NEDD1: variants seen among roughly 807,000 people sequenced by gnomAD.
NEDD1 encodes protein NEDD1.
A neutral mutation model predicts 74.0 loss-of-function variants in NEDD1; 33 were observed. That is an observed-to-expected ratio of 0.45 (90% CI 0.34 to 0.60). The LOEUF is 0.60. NEDD1 is among the 20% of genes least tolerant of loss of function. The pLI is 0.01. For missense variants in NEDD1, 746 were observed against 776.5 expected (o/e 0.96, Z 0.47); for synonymous variants, 250 against 264.4 (o/e 0.95, Z 0.53).
chr12:96,940,736 A>C (rs1416939760), intron 10 of NEDD1, among the ~76,000 whole-genome samples, 199 bp downstream of exon 10: 2 of 152,052 alleles, frequency 1.3e-5, no homozygotes, highest in Non-Finnish European at 2.9e-5. Flanking sequence ...TAATTTTCAC[A>C]TGGGAATTAT....
intron 2 of NEDD1, among the ~76,000 whole-genome samples, chr12:96,909,534 T>C (rs1873679397): frequency 6.6e-6 from 1 of 152,170 alleles, no homozygotes; most frequent in Non-Finnish European, 1.5e-5. Flanking sequence ...AGGCTGGATT[T>C]CATTATCATT....
chr12:96,909,960 C>A, intron 3 of NEDD1, 65 bp downstream of exon 3: 1 of 1,540,212 alleles, frequency 6.5e-7, no homozygotes, highest in Non-Finnish European at 8.7e-7. Context: ...TAAACAACCA[C>A]TGTCAATGAA....
intron 6 of NEDD1, among the ~76,000 whole-genome samples, chr12:96,923,788 T>TGTGTGTGTGTGTG (rs1875373530): frequency 3.5e-5 from 5 of 142,250 alleles, no homozygotes; most frequent in Non-Finnish European, 6.1e-5. Context: ...TAATACCTGT[T>TGTGTGTGTGTGTG]TGTGTGTGTG....
chr12:96,937,035 T>G (rs943743745), intron 8 of NEDD1, among the ~76,000 whole-genome samples, 163 bp from the exon 9 acceptor site: 10 of 152,068 alleles, frequency 6.6e-5, no homozygotes, highest in Non-Finnish European at 1.0e-4. Context: ...TAAAAGTATT[T>G]TAAAAGACAT....
chr12:96,932,457 AAAAAAAATAT>A (rs1293549784), intron 6 of NEDD1, among the ~76,000 whole-genome samples: 5 of 12,774 alleles, frequency 3.9e-4, no homozygotes, highest in Admixed American at 3.0e-3. Context: ...AAAAAAAAAA[AAAAAAAATAT>A]ATATATATAT....
chr12:96,920,594 T>G (rs2136532037), intron 6 of NEDD1, among the ~76,000 whole-genome samples: 1 of 152,290 alleles, frequency 6.6e-6, no homozygotes, highest in East Asian at 1.9e-4. Flanking sequence ...TATCGAAGCT[T>G]ATATATTTCA....
rs1190376140 is a variant in NEDD1 at position 96,929,355 on chromosome 12, ATTTTTTTTTTCCTTAATGTCTTGTAT to A, written c.490-5611_490-5586del. Reference sequence around the variant, plus strand: ...TATGTTTTTTTTCTTAATGTCTTGTATTTTTTTTTTCCTTAATGTCTTGTATTTTTTTTTTCTTTCTGATCTTCTGT... The same window carrying A: ...TATGTTTTTTTTCTTAATGTCTTGTATTTTTTTTTCTTTCTGATCTTCTGT... On this transcript the variant is annotated intron_variant, in intron 6 of 15. Coordinates refer to ENST00000266742, the MANE Select transcript of NEDD1 (RefSeq NM_152905.4). Among the ~76,000 whole-genome samples, 295 of 35,182 alleles carry A rather than the reference ATTTTTTTTTTCCTTAATGTCTTGTAT, an allele frequency of 8.4e-3. 2 individuals are homozygous for A. The highest frequency in any genetic ancestry group is 0.038 in the African/African-American group (277 of 7,368). The allele number at this position is 35,182 out of a possible 152,430, so 23.1% of individuals were successfully genotyped here.
At chr12:96,935,822 AAAAAAC>A (rs1274071216) in intron 7 of NEDD1, among the ~76,000 whole-genome samples, 11 of 151,102 alleles carry the variant, frequency 7.3e-5, no homozygotes, top group South Asian at 4.1e-4. Context: ...TTAGTTAGCT[AAAAAAC>A]AAAAACAAAA....
chr12:96,934,200 A>G (rs1036523595), intron 6 of NEDD1, among the ~76,000 whole-genome samples: 1 of 129,658 alleles, frequency 7.7e-6, no homozygotes, highest in African/African-American at 3.0e-5. Context: ...AATACAAAAT[A>G]TTATTGCTTT....
In NEDD1 at chr12:96,917,525, A is replaced by G. The variant is rs148769567; in HGVS notation, c.232-96A>G. On this transcript the variant is annotated intron_variant, in intron 4 of 15. Coordinates refer to ENST00000266742, the MANE Select transcript of NEDD1 (RefSeq NM_152905.4). ...ATGTTTATAGTATTTAATTTAACCAATATTTATCATATGCTTACTAAGTGT... is the reference window on the plus strand; with the variant it reads ...ATGTTTATAGTATTTAATTTAACCAGTATTTATCATATGCTTACTAAGTGT... The G allele has an allele frequency of 3.8e-4, 503 of 1,313,276 alleles. 2 individuals carry two copies. The highest frequency in any genetic ancestry group is 2.4e-3 in the Middle Eastern group (9 of 3,796). 81.4% of individuals were successfully genotyped at this position (1,313,276 alleles called of 1,614,324 possible).
intron 5 of NEDD1, 82 bp downstream of exon 5, chr12:96,917,819 C>T (rs891766569): frequency 2.9e-5 from 40 of 1,400,058 alleles, no homozygotes; most frequent in Non-Finnish European, 3.7e-5. Context: ...TATTTTTGAG[C>T]TTTTATGATA....
intron 6 of NEDD1, among the ~76,000 whole-genome samples, chr12:96,930,551 TG>T (rs996043541): frequency 6.6e-6 from 1 of 151,904 alleles, no homozygotes; most frequent in Non-Finnish European, 1.5e-5. Flanking sequence ...GGGTTTTTAT[TG>T]GGGGGGCTGG....
At chr12:96,936,270 C>T (rs1877076627) in intron 7 of NEDD1, among the ~76,000 whole-genome samples, 1 of 152,196 alleles carries the variant, frequency 6.6e-6, no homozygotes, top group Non-Finnish European at 1.5e-5. Context: ...AACCATGAGG[C>T]CAGAGCCCCT....
In NEDD1 at chr12:96,942,610, T is replaced by C. The variant is rs777375911; in HGVS notation, c.1280T>C (p.Ile427Thr). Residue 427 changes from isoleucine (I) to threonine (T), a missense_variant, in exon 11 of 16, where the codon ATA (isoleucine) becomes ACA (threonine). Physicochemically the swap from Ile to Thr is moderately conservative, Grantham distance 89. This residue lies in a region of NEDD1 where 706 missense variants were observed against 706.7 expected (regional missense o/e 1.00). Coordinates refer to ENST00000266742, the MANE Select transcript of NEDD1 (RefSeq NM_152905.4). ...GTTAACAAGGGAAGTGATGAGTCCATAGGCAAAGGAGATGGTAAGAACTAC... is the reference window on the plus strand; with the variant it reads ...GTTAACAAGGGAAGTGATGAGTCCACAGGCAAAGGAGATGGTAAGAACTAC... ...AVVNKGSDESIGKGDGFDFLP... is the reference protein window; with the variant it reads ...AVVNKGSDESTGKGDGFDFLP... The C allele has an allele frequency of 3.3e-6, 5 of 1,519,540 alleles. No individual in the cohort carries two copies. Among genetic ancestry groups the C allele is most frequent in the South Asian group, 2.3e-5 (2 of 88,532 alleles). The allele number at this position is 1,519,540 out of a possible 1,614,324, so 94.1% of individuals were successfully genotyped here.
At chr12:96,925,262 T>G (rs1875568469) in intron 6 of NEDD1, among the ~76,000 whole-genome samples, 1 of 152,126 alleles carries the variant, frequency 6.6e-6, no homozygotes, top group Non-Finnish European at 1.5e-5. Flanking sequence ...CCTGGGTTTT[T>G]GGGGAGGGAC....
intron 4 of NEDD1, among the ~76,000 whole-genome samples, chr12:96,917,108 C>A (rs1483685822): frequency 6.6e-6 from 1 of 151,978 alleles, no homozygotes; most frequent in Non-Finnish European, 1.5e-5. Flanking sequence ...GACTTGGTCT[C>A]CTTAACGGAG....
chr12:96,940,466 A>G lies in NEDD1; in HGVS notation c.1175A>G (p.Asn392Ser). ...TCTAAGGAAACAGACAGTGGAAAAA[A>G]TCAGGATTTCTCCAGCTTTGATGAT... ...TLSKETDSGK[N>S]QDFSSFDDTG... Residue 392 changes from asparagine to serine, a missense_variant, in exon 10 of 16, where the codon AAT becomes AGT. Physicochemically the swap from Asn to Ser is conservative, Grantham distance 46 (BLOSUM62 1). Coordinates refer to ENST00000266742, the MANE Select transcript of NEDD1 (RefSeq NM_152905.4). 1.2e-6 allele frequency: 2 copies of G among 1,605,144 alleles called. No homozygotes were observed. The highest frequency in any genetic ancestry group is 2.2e-5 in the East Asian group (1 of 44,718).
intron 4 of NEDD1, among the ~76,000 whole-genome samples, chr12:96,914,597 T>G (rs559949736): frequency 6.6e-6 from 1 of 152,312 alleles, no homozygotes; most frequent in African/African-American, 2.4e-5. Flanking sequence ...ATAACCTTTT[T>G]GTAACTTCCA....
At chr12:96,940,297 A>G (rs1877536008) in intron 9 of NEDD1, 112 bp from the exon 10 acceptor site, 4 of 549,320 alleles carry the variant, frequency 7.3e-6, no homozygotes, top group Non-Finnish European at 9.5e-6. Context: ...CCTTATGCTC[A>G]TAGTTGTAAT....
Sources: allele counts gnomAD v4.1 joint callset (sites outside exome capture counted in the v4.1 genomes callset), GRCh38; gene constraint gnomAD v4.1.1; regional missense constraint gnomAD v4.1.1; transcripts MANE v1.5; gene names NCBI Gene and HGNC (gene_info 2026-07-23, HGNC 2026-07-21).